POLE2: variants seen among roughly 807,000 people sequenced by gnomAD.
POLE2 encodes the protein DNA polymerase epsilon subunit 2.
POLE2 carries 56 observed loss-of-function variants against 79.4 expected under a neutral mutation model. The observed-to-expected ratio is 0.71, with a 90% CI of 0.57 to 0.88. The LOEUF (loss-of-function observed/expected upper bound fraction) is 0.88, where lower values mean the gene tolerates loss of function less well. Ranked by LOEUF, POLE2 falls within the 40% of genes least tolerant of loss-of-function variation. The pLI is 0.00. For missense variants in POLE2, 598 were observed against 638.9 expected (o/e 0.94, Z 0.69); for synonymous variants, 212 against 214.0 (o/e 0.99, Z 0.08).
intron 1 of POLE2, 93 bp downstream of exon 1, chr14:49,688,043 G>A (rs1887288783): frequency 4.7e-6 from 5 of 1,068,558 alleles, no homozygotes; most frequent in African/African-American, 1.6e-5. Flanking sequence ...CTCTCGGCGC[G>A]CGGGGAGCCG....
At chr14:49,662,398 CTA>C (rs1227720688) in intron 10 of POLE2, among the ~76,000 whole-genome samples, 1 of 152,200 alleles carries the variant, frequency 6.6e-6, no homozygotes, top group East Asian at 1.9e-4. Flanking sequence ...CCTGGTAAAA[CTA>C]AAATCTTAAT....
rs1566530263 is a variant in POLE2 at position 49,651,362 on chromosome 14, T to C, written c.1227A>G (p.Thr409=). The part of the protein sequence containing the change: ...TTNPCRIQYC[T]QEITVFREDL... ...CTTCACGGAAGACAGTAATTTCCTG[T>C]GTACAGTACTGAATTCTGAAATGAA... The change falls in exon 16 of 19, where the codon ACA becomes ACG. Residue 409 remains threonine, a synonymous_variant. Transcript: ENST00000216367. 2.7e-6 allele frequency: 4 copies of C among 1,485,322 alleles called. No homozygotes were observed. The African/African-American group carries it at 5.6e-5, about 21-fold the overall frequency. 92.0% of individuals were successfully genotyped at this position (1,485,322 alleles called of 1,614,324 possible).
At chr14:49,668,457 G>GAAAAAAAAAA (rs76534465) in intron 6 of POLE2, among the ~76,000 whole-genome samples, 1 of 77,478 alleles carries the variant, frequency 1.3e-5, no homozygotes. Context: ...TCTATCAAAA[G>GAAAAAAAAAA]AAAAAAAAAA....
At chr14:49,644,903 G>A (rs1230214315) in intron 18 of POLE2, among the ~76,000 whole-genome samples, 6 of 151,956 alleles carry the variant, frequency 3.9e-5, no homozygotes, top group Admixed American at 2.0e-4. Context: ...TCAGCCAGGC[G>A]TGGTGGCATG....
intron 15 of POLE2, among the ~76,000 whole-genome samples, chr14:49,653,400 T>C (rs930441578): frequency 1.3e-5 from 2 of 152,230 alleles, no homozygotes; most frequent in African/African-American, 2.4e-5. Flanking sequence ...CTTTGTATTC[T>C]TCCTTTGTAA....
chr14:49,672,791 G>A (rs45447198), intron 5 of POLE2, among the ~76,000 whole-genome samples: 311 of 152,186 alleles, frequency 2.0e-3, no homozygotes, highest in Admixed American at 5.4e-3. Flanking sequence ...GAGCCACTGC[G>A]CCTAGCCTCC....
chr14:49,684,985 A>G (rs1787856567), intron 1 of POLE2, among the ~76,000 whole-genome samples: 1 of 152,110 alleles, frequency 6.6e-6, no homozygotes, highest in African/African-American at 2.4e-5. Flanking sequence ...AAAAAAAATA[A>G]ATAAATAAAA....
chr14:49,658,925 G>C (rs560049696), intron 10 of POLE2, among the ~76,000 whole-genome samples: 76 of 152,024 alleles, frequency 5.0e-4, no homozygotes, highest in Admixed American at 1.4e-3. Context: ...AACAGCCTCA[G>C]GCAGGTCCTT....
chr14:49,675,726 C>A (rs1886229173), intron 3 of POLE2, among the ~76,000 whole-genome samples: 1 of 142,690 alleles, frequency 7.0e-6, no homozygotes, highest in Admixed American at 7.0e-5. Context: ...ATGCCCAACC[C>A]CAACAATTTT....
intron 6 of POLE2, among the ~76,000 whole-genome samples, chr14:49,668,224 C>T (rs771201134): frequency 1.1e-4 from 16 of 151,930 alleles, no homozygotes; most frequent in Non-Finnish European, 8.8e-5. Context: ...GAGCCAAGAT[C>T]GCACTACTGA....
At chr14:49,659,669 C>T (rs1376451774) in intron 10 of POLE2, among the ~76,000 whole-genome samples, 1 of 152,176 alleles carries the variant, frequency 6.6e-6, no homozygotes, top group Non-Finnish European at 1.5e-5. Flanking sequence ...CAGCCTTTAA[C>T]TCCTGGGCTC....
At position 49,644,171 on chromosome 14, in the gene POLE2, C is replaced by T. The variant is rs964647725; in HGVS notation, c.1566-501G>A. 1.6e-4 allele frequency among the ~76,000 whole-genome samples: 24 copies of T among 150,016 alleles called. No homozygotes were observed. The Middle Eastern group carries it at 0.014, about 86-fold the overall frequency. The stretch of plus-strand genomic sequence containing the variant: ...TGCTAGGATTAGAGGCATGAGCCAC[C>T]GCGCCCGGCCAACAACTATATGTCC... On this transcript the variant is annotated intron_variant, in intron 18 of 18. Coordinates refer to ENST00000216367, the MANE Select transcript of POLE2 (RefSeq NM_002692.4).
At position 49,674,185 on chromosome 14, in the gene POLE2, A is replaced by C. The variant is rs753654811; in HGVS notation, c.355T>G (p.Leu119Val). ...GCTTTATCTCTTGGTGTTCCAAATA[A>C]ATTTGGTGCAGGGTGGTTGGTCATT... is the stretch of plus-strand genomic sequence containing the variant. ...LLMTNHPAPN[L>V]FGTPRDKAEM... The change falls in exon 5 of 19, where the codon TTA (leucine) becomes GTA (valine). Residue 119 changes from leucine (L) to valine (V), a missense_variant. Physicochemically the swap from Leu to Val is conservative, Grantham distance 32. Transcript: ENST00000216367. The C allele has an allele frequency of 3.1e-6, 5 of 1,613,266 alleles. No homozygotes were observed. Among genetic ancestry groups the C allele is most frequent in the African/African-American group, 2.7e-5 (2 of 75,028 alleles).
chr14:49,655,885 G>T lies in POLE2; in HGVS notation c.756-42C>A, dbSNP rs565180377. The T allele has an allele frequency of 6.0e-6, 6 of 1,002,314 alleles. No homozygotes were observed. In the African/African-American group the frequency reaches 9.9e-5, roughly 17 times the overall value. The allele number at this position is 1,002,314 out of a possible 1,614,324, so 62.1% of individuals were successfully genotyped here. On this transcript the variant is annotated intron_variant, in intron 10 of 18. Coordinates refer to ENST00000216367, the MANE Select transcript of POLE2 (RefSeq NM_002692.4). ...TAATTATCTTCTATATACCACTAGA[G>T]ATATTTTTCTAATAGTTGTATACAT... is the stretch of plus-strand genomic sequence containing the variant.
intron 3 of POLE2, among the ~76,000 whole-genome samples, chr14:49,678,714 T>C (rs538382038): frequency 3.9e-5 from 6 of 152,268 alleles, no homozygotes; most frequent in African/African-American, 1.4e-4. Flanking sequence ...TAGAGTGCAG[T>C]GGTATGATCT....
At chr14:49,662,367 G>A (rs943185093) in intron 10 of POLE2, among the ~76,000 whole-genome samples, 9 of 152,146 alleles carry the variant, frequency 5.9e-5, no homozygotes, top group Non-Finnish European at 1.3e-4. Context: ...GTGCGATCTC[G>A]GCTCACTGCA....
At chr14:49,658,914 A>C (rs1884904971) in intron 10 of POLE2, among the ~76,000 whole-genome samples, 1 of 152,036 alleles carries the variant, frequency 6.6e-6, no homozygotes, top group African/African-American at 2.4e-5. Context: ...TTTAACTGTA[A>C]AACAGCCTCA....
At chr14:49,684,558 G>A (rs1343430114) in intron 1 of POLE2, 1 of 151,612 alleles carries the variant, frequency 6.6e-6, no homozygotes, top group Non-Finnish European at 1.5e-5. Context: ...TATACGAAAG[G>A]AGAGGTTGGC....
At chr14:49,675,490 G>A (rs1886208905) in intron 3 of POLE2, among the ~76,000 whole-genome samples, 3 of 151,652 alleles carry the variant, frequency 2.0e-5, no homozygotes, top group Admixed American at 1.3e-4. Context: ...CCCAGGCTGG[G>A]GTGTGATCTT....
Sources: gnomAD v4.1 joint callset for allele counts (sites outside exome capture counted in the v4.1 genomes callset) on GRCh38, gnomAD v4.1.1 for gene constraint, MANE v1.5 for transcripts, NCBI Gene and HGNC (gene_info 2026-07-23, HGNC 2026-07-21) for gene names.